Variants in CLIC5 observed in about 807,000 individuals in gnomAD.
CLIC5 encodes the protein CLIC family member 5.
In CLIC5, 20 loss-of-function variants were observed where a neutral mutation model predicts 24.7. The observed-to-expected ratio is 0.81, with a 90% CI of 0.57 to 1.18. The LOEUF is 1.18. CLIC5 is among the 50% of genes most tolerant of loss of function. The pLI, the probability that CLIC5 is intolerant of heterozygous loss-of-function variation, is 0.00. For missense variants in CLIC5, 341 were observed against 326.1 expected (o/e 1.05, Z -0.35); for synonymous variants, 159 against 135.6 (o/e 1.17, Z -1.20).
At chr6:46,113,565 T>C in the CLIC5 span, among the ~76,000 whole-genome samples, 1 of 152,126 alleles carries the variant, frequency 6.6e-6, no homozygotes, top group Non-Finnish European at 1.5e-5. Flanking sequence ...CCAGCAGGTG[T>C]GGCACACTTA....
the CLIC5 span, among the ~76,000 whole-genome samples, chr6:46,094,157 G>A: frequency 1.3e-5 from 2 of 152,170 alleles, no homozygotes; most frequent in African/African-American, 2.4e-5. Context: ...GGCTCCATAA[G>A]CCAATCATCT....
intron 5 of CLIC5, 104 bp downstream of exon 5, chr6:45,914,124 G>A: frequency 1.1e-6 from 1 of 933,408 alleles, no homozygotes; most frequent in Non-Finnish European, 1.5e-6. Context: ...CAGGGTCCAG[G>A]TTCTTGACCA....
rs371430692 is a variant in CLIC5, at chr6:45,970,766, G to A, written c.64-15522C>T. 6.8e-4 allele frequency among the ~76,000 whole-genome samples: 103 copies of A among 152,296 alleles called. 3 individuals are homozygous for A. The South Asian group carries it at 0.02, about 29-fold the overall frequency. On this transcript the variant is annotated intron_variant, in intron 1 of 5. Transcript: ENST00000339561. ...TCAGACAACCTGCATACTGGTCCCA[G>A]TTGTTCTGCAAGATGAATGTGCCCT... is the stretch of plus-strand genomic sequence containing the variant.
intron 6 of CLIC5, among the ~76,000 whole-genome samples, chr6:45,891,059 A>G (rs1318808058): frequency 6.6e-6 from 1 of 152,230 alleles, no homozygotes; most frequent in Admixed American, 6.5e-5. Flanking sequence ...AAATAGCTGA[A>G]AAAAGAGGAT....
chr6:45,977,347 T>A (rs1447597695), intron 1 of CLIC5, among the ~76,000 whole-genome samples: 1 of 152,206 alleles, frequency 6.6e-6, no homozygotes, highest in African/African-American at 2.4e-5. Flanking sequence ...TTGTAATGAA[T>A]CAAAATGGTA....
rs111875664 is a variant in CLIC5, at chr6:46,010,740, G to A, written c.63+4740C>T. On this transcript the variant is annotated intron_variant, in intron 1 of 5. Transcript: ENST00000339561. ...AAATATGCATCATACAACTCTTGAC[G>A]CTAGCTCTCCAGGGATGTGTTACCA... is the stretch of plus-strand genomic sequence containing the variant. 2.7e-3 allele frequency among the ~76,000 whole-genome samples: 405 copies of A among 152,258 alleles called. 3 individuals carry two copies. The highest frequency in any genetic ancestry group is 9.4e-3 in the African/African-American group (391 of 41,534).
intron 1 of CLIC5, among the ~76,000 whole-genome samples, chr6:46,022,303 G>T (rs1388391447): frequency 6.6e-6 from 1 of 152,108 alleles, no homozygotes; most frequent in African/African-American, 2.4e-5. Context: ...ACAAGTTCCA[G>T]CTTTTATGTA....
rs1276491129 is a variant in CLIC5 at position 45,889,649 on chromosome 6, G to A, written c.624-8461C>T. 3.3e-5 allele frequency among the ~76,000 whole-genome samples: 5 copies of A among 152,122 alleles called. 1 individual carries two copies. The highest frequency in any genetic ancestry group is 6.3e-3 in the Middle Eastern group (2 of 316). ...AGGAAGTATGATGATCAGGGACAAG[G>A]AAGAGTGTGACAATTTCCAATGTTT... On this transcript the variant is annotated intron_variant, in intron 6 of 6. Coordinates refer to the CLIC5 transcript ENST00000644324.
upstream of CLIC5, among the ~76,000 whole-genome samples, chr6:46,083,383 A>G (rs1398088415): frequency 6.6e-6 from 1 of 152,068 alleles, no homozygotes; most frequent in Non-Finnish European, 1.5e-5. Context: ...CCAATTTTGG[A>G]TCTTTCCTGC....
chr6:46,032,747 C>T (rs1406189698), intron 1 of CLIC5, among the ~76,000 whole-genome samples: 1 of 152,138 alleles, frequency 6.6e-6, no homozygotes, highest in African/African-American at 2.4e-5. Flanking sequence ...CTTAAGTCTG[C>T]CAAAGCCGAG....
At chr6:45,926,056 GCATGAGAC>G (rs1467688194) in intron 4 of CLIC5, among the ~76,000 whole-genome samples, 2 of 151,960 alleles carry the variant, frequency 1.3e-5, no homozygotes, top group Admixed American at 1.3e-4. Context: ...ACATCAGTGG[GCATGAGAC>G]CATCAGAGTT....
At chr6:46,068,530 A>G (rs527382216) in intron 1 of CLIC5, among the ~76,000 whole-genome samples, 1 of 152,314 alleles carries the variant, frequency 6.6e-6, no homozygotes, top group African/African-American at 2.4e-5. Flanking sequence ...AGCTAGGGAG[A>G]TATAAAGATA....
rs189256814 is a variant in CLIC5, at chr6:45,917,210, C to T, written c.407-2801G>A. On this transcript the variant is annotated intron_variant, in intron 4 of 5. Coordinates refer to ENST00000339561, the MANE Select transcript of CLIC5 (RefSeq NM_016929.5). ...CAAGTTCCTCTACTTCACTGAGTTT[C>T]TGCTTTCTCATCTCAATAACGGGAC... Among the ~76,000 whole-genome samples, 14 of 152,296 alleles carry T rather than the reference C, an allele frequency of 9.2e-5. No homozygotes were observed. In the East Asian group the frequency reaches 2.7e-3, roughly 29 times the overall value.
chr6:46,029,460 G>C (rs1467128953), intron 1 of CLIC5, among the ~76,000 whole-genome samples: 1 of 152,172 alleles, frequency 6.6e-6, no homozygotes, highest in Non-Finnish European at 1.5e-5. Flanking sequence ...ACTTGCCCAA[G>C]TTCCCTGAAC....
intron 1 of CLIC5, among the ~76,000 whole-genome samples, chr6:46,005,635 C>A (rs1403564687): frequency 6.6e-6 from 1 of 152,090 alleles, no homozygotes; most frequent in Non-Finnish European, 1.5e-5. Flanking sequence ...TTGTGTCCCC[C>A]CAGAATTCCT....
rs116278137 is a variant in CLIC5, at chr6:46,029,360, A to G, written c.540+50343T>C. 8.2e-3 allele frequency among the ~76,000 whole-genome samples: 1,249 copies of G among 152,326 alleles called. 17 individuals are homozygous for G. The highest frequency in any genetic ancestry group is 0.028 in the African/African-American group (1,165 of 41,568). On this transcript the variant is annotated intron_variant, in intron 1 of 5. Coordinates refer to the CLIC5 transcript ENST00000185206. ...ATTTCCGAAATTATTATCTTATCAT[A>G]ACAGCAGTCCTGAGAGGTAGAAGAA...
At chr6:45,967,849 A>C (rs980024080) in intron 1 of CLIC5, among the ~76,000 whole-genome samples, 5 of 152,142 alleles carry the variant, frequency 3.3e-5, no homozygotes, top group Non-Finnish European at 5.9e-5. Flanking sequence ...GTGAACTATC[A>C]GAGCGAGAAC....
the CLIC5 span, among the ~76,000 whole-genome samples, chr6:46,109,605 C>T: frequency 2.8e-5 from 4 of 141,212 alleles, no homozygotes; most frequent in East Asian, 8.9e-4. Flanking sequence ...GTATGAATTA[C>T]ATGGGAATGA....
the CLIC5 span, among the ~76,000 whole-genome samples, chr6:46,088,707 A>G: frequency 6.6e-6 from 1 of 152,204 alleles, no homozygotes; most frequent in Non-Finnish European, 1.5e-5. Context: ...GCATTTATAC[A>G]AGACCAGCAA....
Sources: gnomAD v4.1 joint callset for allele counts (sites outside exome capture counted in the v4.1 genomes callset) on GRCh38, gnomAD v4.1.1 for gene constraint, MANE v1.5 for transcripts, NCBI Gene and HGNC (gene_info 2026-07-23, HGNC 2026-07-21) for gene names.